C8orf34: variants seen among roughly 807,000 people sequenced by gnomAD.
The protein encoded by C8orf34 is uncharacterized protein C8orf34.
In C8orf34, 65 loss-of-function variants were observed where a neutral mutation model predicts 68.3. That is an observed-to-expected ratio of 0.95 (90% CI 0.78 to 1.17). The LOEUF (loss-of-function observed/expected upper bound fraction) is 1.17. C8orf34 is among the 50% of genes most tolerant of loss of function. The pLI is 0.00. For missense variants in C8orf34, 664 were observed against 655.4 expected, an observed-to-expected ratio of 1.01 and a Z score of -0.14; for synonymous variants, 244 against 241.2, an observed-to-expected ratio of 1.01 and a Z score of -0.11.
intron 8 of C8orf34, among the ~76,000 whole-genome samples, chr8:68,645,081 C>A (rs1158943766): frequency 6.6e-6 from 1 of 152,098 alleles, no homozygotes; most frequent in Non-Finnish European, 1.5e-5. Context: ...TTACCAATAC[C>A]TTTCAAGAGT....
intron 7 of C8orf34, among the ~76,000 whole-genome samples, chr8:68,583,102 G>A (rs1294692301): frequency 6.6e-6 from 1 of 152,000 alleles, no homozygotes; most frequent in Non-Finnish European, 1.5e-5. Flanking sequence ...TCCTGTGTCT[G>A]CTGTTTCTCA....
chr8:68,630,865 A>T (rs1362835272), intron 7 of C8orf34, among the ~76,000 whole-genome samples: 1 of 151,640 alleles, frequency 6.6e-6, no homozygotes, highest in Non-Finnish European at 1.5e-5. Context: ...CTGCAGCCTC[A>T]ACCTCATGGG....
chr8:68,464,737 G>A (rs1401689153), intron 3 of C8orf34, among the ~76,000 whole-genome samples: 12 of 150,884 alleles, frequency 8.0e-5, no homozygotes, highest in Non-Finnish European at 1.8e-4. Flanking sequence ...TGGGAAAACT[G>A]GCTAGCCATA....
At chr8:68,514,824 G>A (rs1814435369) in intron 5 of C8orf34, among the ~76,000 whole-genome samples, 2 of 152,086 alleles carry the variant, frequency 1.3e-5, no homozygotes, top group African/African-American at 2.4e-5. Context: ...CAAATAGTTG[G>A]AGTTGGGGTA....
intron 11 of C8orf34, among the ~76,000 whole-genome samples, chr8:68,782,942 C>G (rs568991567): frequency 6.6e-6 from 1 of 151,354 alleles, no homozygotes; most frequent in South Asian, 2.1e-4. Flanking sequence ...CATAGTGGCA[C>G]GTGCCTGTAG....
At chr8:68,671,187 C>A (rs1417640772) in intron 8 of C8orf34, among the ~76,000 whole-genome samples, 1 of 152,098 alleles carries the variant, frequency 6.6e-6, no homozygotes, top group East Asian at 1.9e-4. Flanking sequence ...AGGGACTAAT[C>A]CAGCATTTTT....
At chr8:68,605,482 GATAA>G (rs1268571884) in intron 7 of C8orf34, among the ~76,000 whole-genome samples, 2 of 151,320 alleles carry the variant, frequency 1.3e-5, no homozygotes, top group Non-Finnish European at 2.9e-5. Flanking sequence ...TAGGTTAATG[GATAA>G]ATAAATTATG....
intron 1 of C8orf34, among the ~76,000 whole-genome samples, chr8:68,367,907 G>GAAAAAAAAAAAAAAAAAAAAAAA (rs1807360133): frequency 4.7e-4 from 7 of 15,026 alleles, no homozygotes; most frequent in Non-Finnish European, 5.2e-4. Context: ...AATAAAAAAA[G>GAAAAAAAAAAAAAAAAAAAAAAA]AAAAGAAAAA....
intron 7 of C8orf34, among the ~76,000 whole-genome samples, chr8:68,590,201 G>A (rs1347905410): frequency 6.9e-6 from 1 of 145,880 alleles, no homozygotes; most frequent in East Asian, 2.2e-4. Flanking sequence ...GAGAGAAAGG[G>A]GGAGGGAGGG....
At chr8:68,610,659 A>G (rs988716561) in intron 7 of C8orf34, among the ~76,000 whole-genome samples, 2 of 152,028 alleles carry the variant, frequency 1.3e-5, no homozygotes, top group African/African-American at 4.8e-5. Context: ...GGTGGAAGAT[A>G]TTATTATGCC....
chr8:68,473,723 T>G (rs917196397), intron 4 of C8orf34, among the ~76,000 whole-genome samples: 3 of 152,168 alleles, frequency 2.0e-5, no homozygotes, highest in African/African-American at 7.2e-5. Context: ...GCTCACTGTC[T>G]CTACTTGCTC....
chr8:68,746,859 A>G (rs1057132960), intron 10 of C8orf34, among the ~76,000 whole-genome samples: 10 of 152,172 alleles, frequency 6.6e-5, no homozygotes, highest in African/African-American at 2.4e-4. Context: ...ACAGAAAAAG[A>G]GGGAATCCTC....
chr8:68,713,137 C>T (rs1345582390), intron 9 of C8orf34, among the ~76,000 whole-genome samples: 2 of 152,006 alleles, frequency 1.3e-5, no homozygotes, highest in Non-Finnish European at 2.9e-5. Flanking sequence ...ATAATAGTAA[C>T]ATAACCTATC....
In C8orf34 at chr8:68,589,579, A is replaced by G. The variant is rs542788972; in HGVS notation, c.1106-50797A>G. Among the ~76,000 whole-genome samples the G allele has an allele frequency of 6.1e-5, 7 of 115,420 alleles. No individual in the cohort carries two copies. The East Asian group carries it at 1.6e-3, about 26-fold the overall frequency. 75.7% of individuals were successfully genotyped at this position (115,420 alleles called of 152,430 possible). A position where few individuals can be genotyped will look rare whatever the true frequency, so the allele number is the denominator to read the frequency against. Reference sequence around the variant, plus strand: ...AGGAAGGGAGAGAGAAAGGTGGGGGAAGGAAGGATGAAGGAAGGAAGGAAA... The same window carrying G: ...AGGAAGGGAGAGAGAAAGGTGGGGGGAGGAAGGATGAAGGAAGGAAGGAAA... On this transcript the variant is annotated intron_variant, in intron 7 of 13. Transcript: ENST00000518698.
chr8:68,576,167 C>T (rs949647747), intron 7 of C8orf34, among the ~76,000 whole-genome samples: 2 of 151,448 alleles, frequency 1.3e-5, no homozygotes, highest in East Asian at 1.9e-4. Context: ...CACATACACA[C>T]CCACACAAAC....
intron 1 of C8orf34, among the ~76,000 whole-genome samples, chr8:68,400,266 C>T (rs542743890): frequency 6.6e-6 from 1 of 151,990 alleles, no homozygotes; most frequent in Non-Finnish European, 1.5e-5. Context: ...AAGAGTTTTC[C>T]CTAGGCTTTC....
chr8:68,520,874 A>G (rs1292127536), intron 5 of C8orf34, among the ~76,000 whole-genome samples: 1 of 152,192 alleles, frequency 6.6e-6, no homozygotes, highest in Non-Finnish European at 1.5e-5. Flanking sequence ...TTAAAAATAT[A>G]TTTTTCTCAT....
intron 1 of C8orf34, among the ~76,000 whole-genome samples, chr8:68,413,591 C>G (rs1809535553): frequency 6.6e-6 from 1 of 152,148 alleles, no homozygotes; most frequent in Non-Finnish European, 1.5e-5. Context: ...GCTCATTGTC[C>G]CATGCTATGG....
In C8orf34 at chr8:68,748,081, G is replaced by A. The variant is rs1048179335; in HGVS notation, c.1404+26644G>A. 4.8e-5 allele frequency among the ~76,000 whole-genome samples: 7 copies of A among 145,358 alleles called. No homozygotes were observed. In the South Asian group the frequency reaches 6.5e-4, roughly 14 times the overall value. On this transcript the variant is annotated intron_variant, in intron 10 of 13. Coordinates refer to ENST00000518698, the MANE Select transcript of C8orf34 (RefSeq NM_052958.4). ...CAACAGAGCCCTCAGAAATAACACC[G>A]CATATCTACAACTATCTGATCTTTG...
Sources: gnomAD v4.1 joint callset for allele counts (sites outside exome capture counted in the v4.1 genomes callset) on GRCh38, gnomAD v4.1.1 for gene constraint, MANE v1.5 for transcripts, NCBI Gene and HGNC (gene_info 2026-07-23, HGNC 2026-07-21) for gene names.